The following VPS41 variants were observed in gnomAD, a reference collection of about 807,000 sequenced individuals.
VPS41 encodes VPS41 subunit of HOPS complex.
A neutral mutation model predicts 130.9 loss-of-function variants in VPS41; 85 were observed. That is an observed-to-expected ratio of 0.65 (90% confidence interval 0.55 to 0.78). The LOEUF is 0.78. VPS41 is among the 30% of genes least tolerant of loss of function. The probability of loss-of-function intolerance (pLI) is 0.00; values close to 1 mark genes in which losing one functional copy is unlikely to be tolerated. For synonymous variants in VPS41, 335 were observed against 332.9 expected, an observed-to-expected ratio of 1.01 and a Z score of -0.07; for missense variants, 874 against 1,018.7, an observed-to-expected ratio of 0.86 and a Z score of 1.93.
intron 22 of VPS41, among the ~76,000 whole-genome samples, chr7:38,751,406 CT>C (rs1325243159): frequency 6.6e-6 from 1 of 152,172 alleles, no homozygotes; most frequent in Non-Finnish European, 1.5e-5. Flanking sequence ...ATACTGTTGG[CT>C]TTTAGGCTGC....
intron 7 of VPS41, among the ~76,000 whole-genome samples, chr7:38,800,353 A>C (rs1170135820): frequency 6.6e-6 from 1 of 152,226 alleles, no homozygotes; most frequent in Non-Finnish European, 1.5e-5. Flanking sequence ...AAGATACATG[A>C]CAAAGTAATC....
intron 21 of VPS41, among the ~76,000 whole-genome samples, chr7:38,754,362 G>C (rs1783746383): frequency 6.6e-6 from 1 of 152,034 alleles, no homozygotes; most frequent in Admixed American, 6.6e-5. Context: ...CTTATTCCTA[G>C]ACACAACATA....
chr7:38,756,707 T>C (rs780941899), intron 19 of VPS41, 131 bp downstream of exon 19: 5 of 649,682 alleles, frequency 7.7e-6, no homozygotes, highest in Non-Finnish European at 1.3e-5. Flanking sequence ...GGTCAGAGTG[T>C]TCTAAAGATT....
chr7:38,730,785 T>C (rs1331447427), intron 25 of VPS41, among the ~76,000 whole-genome samples: 1 of 152,092 alleles, frequency 6.6e-6, no homozygotes. Context: ...ACATCTCAGA[T>C]AAAACAATTT....
At chr7:38,732,713 C>T (rs139726776) in intron 25 of VPS41, among the ~76,000 whole-genome samples, 54 of 152,262 alleles carry the variant, frequency 3.5e-4, no homozygotes, top group African/African-American at 1.1e-3. Context: ...ACTGCCCTCA[C>T]GTAATGCTGG....
At chr7:38,888,960 G>T in intron 2 of VPS41, among the ~76,000 whole-genome samples, 1 of 151,418 alleles carries the variant, frequency 6.6e-6, no homozygotes, top group African/African-American at 2.4e-5. Flanking sequence ...CCTGTGGGGG[G>T]TGGGGGGCTA....
intron 2 of VPS41, among the ~76,000 whole-genome samples, chr7:38,870,739 C>CAAAAAAAAAAAAAAAAAAA (rs70977434): frequency 1.7e-4 from 5 of 29,730 alleles, no homozygotes; most frequent in African/African-American, 3.2e-4. Context: ...ACTATATGTT[C>CAAAAAAAAAAAAAAAAAAA]AAAAAAAAAA....
intron 7 of VPS41, among the ~76,000 whole-genome samples, chr7:38,806,468 A>C (rs1584404999): frequency 6.6e-6 from 1 of 152,212 alleles, no homozygotes; most frequent in Non-Finnish European, 1.5e-5. Flanking sequence ...AATAGACATC[A>C]ATAATGTAGG....
chr7:38,740,246 G>C (rs918952329), intron 25 of VPS41, among the ~76,000 whole-genome samples: 3 of 152,170 alleles, frequency 2.0e-5, no homozygotes, highest in Non-Finnish European at 4.4e-5. Context: ...TTGAAACCTA[G>C]AGCATATCCT....
At chr7:38,794,695 C>G (rs560715273) in intron 9 of VPS41, among the ~76,000 whole-genome samples, 7 of 152,310 alleles carry the variant, frequency 4.6e-5, no homozygotes, top group Admixed American at 2.6e-4. Flanking sequence ...GATCCCAGGT[C>G]TGTCTGGCCT....
chr7:38,839,469 C>A (rs1785563074), intron 4 of VPS41, among the ~76,000 whole-genome samples: 1 of 152,146 alleles, frequency 6.6e-6, no homozygotes. Flanking sequence ...GTCGCACAGG[C>A]TGGAGTGCAG....
rs1786140050 is a variant in VPS41 at position 38,862,565 on chromosome 7, T to C, written c.226A>G (p.Ile76Val). The change falls in exon 4 of 29, where the codon ATC becomes GTC. Residue 76 changes from isoleucine (I) to valine (V), a missense_variant. Physicochemically the swap from Ile to Val is conservative, Grantham distance 29. Coordinates refer to ENST00000310301, the MANE Select transcript of VPS41 (RefSeq NM_014396.4). ...KVYLLDVQGN[I>V]TQKFDVSPVK... The stretch of plus-strand genomic sequence containing the variant: ...CTTACTACATCAAACTTCTGAGTGA[T>C]GTTCCCCTGGACATCAAGTAAATAA... The C allele has an allele frequency of 8.7e-6, 14 of 1,608,046 alleles. No homozygotes were observed. The highest frequency in any genetic ancestry group is 1.2e-5 in the Non-Finnish European group (14 of 1,176,452).
At chr7:38,880,918 A>T (rs556198383) in intron 2 of VPS41, among the ~76,000 whole-genome samples, 74 of 152,308 alleles carry the variant, frequency 4.9e-4, no homozygotes, top group Admixed American at 1.8e-3. Context: ...AGCTCCCCAC[A>T]GTATTAGCAG....
chr7:38,758,731 C>A (rs1299667281), intron 17 of VPS41, among the ~76,000 whole-genome samples: 3 of 152,184 alleles, frequency 2.0e-5, no homozygotes, highest in African/African-American at 7.2e-5. Context: ...AACTTTTCAG[C>A]CCTACCCCCA....
chr7:38,896,765 T>C (rs913233469), intron 2 of VPS41, among the ~76,000 whole-genome samples: 5 of 152,260 alleles, frequency 3.3e-5, no homozygotes, highest in African/African-American at 1.2e-4. Context: ...TAGATTATCA[T>C]GGCTAGAGTC....
chr7:38,734,168 T>G (rs1562564885), intron 25 of VPS41, among the ~76,000 whole-genome samples: 1 of 152,190 alleles, frequency 6.6e-6, no homozygotes, highest in Admixed American at 6.5e-5. Context: ...AATTTTCATC[T>G]CAAAAAATAC....
chr7:38,906,559 G>A (rs747762380), intron 1 of VPS41, among the ~76,000 whole-genome samples: 3 of 151,952 alleles, frequency 2.0e-5, no homozygotes, highest in Admixed American at 6.6e-5. Flanking sequence ...GGCTCGTCTC[G>A]AACTCCTGGG....
chr7:38,862,015 C>T (rs1369603259), intron 4 of VPS41, among the ~76,000 whole-genome samples: 1 of 152,184 alleles, frequency 6.6e-6, no homozygotes, highest in Non-Finnish European at 1.5e-5. Context: ...TTACATTTGG[C>T]ATCTCAACAA....
In VPS41 at chr7:38,756,855, T is replaced by C. The variant is rs562429158; in HGVS notation, c.1678A>G (p.Met560Val). The C allele has an allele frequency of 3.2e-6, 5 of 1,576,616 alleles. No individual in the cohort carries two copies. The East Asian group carries it at 1.1e-4, about 36-fold the overall frequency. ...CACATTACCTCTGAATCAAAATCCA[T>C]TAATAAAACAATTTTATCCTTGATA... ...SSIKDKIVLL[M>V]DFDSEKAVDM... The change falls in exon 19 of 29, where the codon ATG becomes GTG. Residue 560 changes from methionine to valine, a missense_variant. Met to Val is a conservative substitution (Grantham distance 21). Coordinates refer to ENST00000310301, the MANE Select transcript of VPS41 (RefSeq NM_014396.4).
Sources: gnomAD v4.1 joint callset for allele counts (sites outside exome capture counted in the v4.1 genomes callset) on GRCh38, gnomAD v4.1.1 for gene constraint, MANE v1.5 for transcripts, NCBI Gene and HGNC (gene_info 2026-07-23, HGNC 2026-07-21) for gene names.